CAMK1D: variants seen among roughly 807,000 people sequenced by gnomAD.
CAMK1D encodes calcium/calmodulin dependent protein kinase ID, also known as calcium/calmodulin-dependent protein kinase type 1D.
Under a neutral mutation model 47.7 loss-of-function variants are expected in CAMK1D, and 9 were observed. The ratio of observed to expected loss-of-function variants is 0.19; its 90% CI spans 0.11 to 0.33. The LOEUF (loss-of-function observed/expected upper bound fraction) is 0.33, where lower values mean the gene tolerates loss of function less well. CAMK1D is among the 10% of genes least tolerant of loss of function. The pLI, the probability that CAMK1D is intolerant of heterozygous loss-of-function variation, is 1.00. For synonymous variants in CAMK1D, 184 were observed against 184.9 expected (o/e 0.99, Z 0.04); for missense variants, 291 against 488.7 (o/e 0.60, Z 3.81).
intron 1 of CAMK1D, among the ~76,000 whole-genome samples, chr10:12,467,123 A>G (rs1198447881): frequency 6.6e-6 from 1 of 152,050 alleles, no homozygotes; most frequent in East Asian, 1.9e-4. Flanking sequence ...TGTAATAAAT[A>G]TTGTGACTCG....
At chr10:12,447,337 A>G (rs1832951338) in intron 1 of CAMK1D, among the ~76,000 whole-genome samples, 1 of 152,158 alleles carries the variant, frequency 6.6e-6, no homozygotes, top group African/African-American at 2.4e-5. Flanking sequence ...TAACTTTCTG[A>G]TATATCATGA....
intron 1 of CAMK1D, among the ~76,000 whole-genome samples, chr10:12,477,835 C>T (rs951078937): frequency 3.9e-5 from 6 of 152,116 alleles, no homozygotes; most frequent in African/African-American, 1.4e-4. Context: ...CCTTCGTGAC[C>T]TCTGCCATCG....
intron 6 of CAMK1D, among the ~76,000 whole-genome samples, chr10:12,804,937 CAAAAAAAAAA>C (rs145584740): frequency 5.9e-5 from 3 of 51,056 alleles, no homozygotes; most frequent in African/African-American, 8.3e-5. Context: ...GACCCTGTCT[CAAAAAAAAAA>C]AAAAAAAAAA....
At chr10:12,827,472 G>GTCTTTCTTTCTTTCTTTCTTTCTT (rs1244927320) in intron 10 of CAMK1D, among the ~76,000 whole-genome samples, 168 of 5,096 alleles carry the variant, frequency 0.033, 49 homozygotes, top group East Asian at 0.067. Context: ...TTGTCTGTCT[G>GTCTTTCTTTCTTTCTTTCTTTCTT]TCTTTCTTTC....
intron 1 of CAMK1D, among the ~76,000 whole-genome samples, chr10:12,490,754 A>G (rs560188433): frequency 8.5e-5 from 13 of 152,316 alleles, no homozygotes; most frequent in Non-Finnish European, 1.5e-4. Flanking sequence ...CTGAGGCAGG[A>G]GAATCGCTTG....
chr10:12,819,153 G>A (rs1482488438), intron 8 of CAMK1D, among the ~76,000 whole-genome samples: 1 of 152,212 alleles, frequency 6.6e-6, no homozygotes, highest in Non-Finnish European at 1.5e-5. Context: ...AAAGAAGGGA[G>A]AGGTCAGTTT....
At chr10:12,482,402 G>T (rs1376695240) in intron 1 of CAMK1D, among the ~76,000 whole-genome samples, 1 of 152,166 alleles carries the variant, frequency 6.6e-6, no homozygotes, top group Non-Finnish European at 1.5e-5. Flanking sequence ...ATAACACCCG[G>T]TAGCCAAAAT....
chr10:12,481,599 T>G (rs988462533), intron 1 of CAMK1D, among the ~76,000 whole-genome samples: 1 of 152,096 alleles, frequency 6.6e-6, no homozygotes, highest in Non-Finnish European at 1.5e-5. Flanking sequence ...AACCTCCGCC[T>G]CCCAGGTTCC....
intron 1 of CAMK1D, among the ~76,000 whole-genome samples, chr10:12,541,998 G>T (rs183783292): frequency 6.6e-6 from 1 of 151,506 alleles, no homozygotes; most frequent in Non-Finnish European, 1.5e-5. Context: ...CCTCAGCTTC[G>T]TGAGTAGCTG....
At chr10:12,641,657 ACTGATG>A (rs1490071754) in intron 2 of CAMK1D, among the ~76,000 whole-genome samples, 1 of 152,090 alleles carries the variant, frequency 6.6e-6, no homozygotes, top group African/African-American at 2.4e-5. Context: ...AAACATTTAA[ACTGATG>A]ACAAAGTTTT....
intron 2 of CAMK1D, among the ~76,000 whole-genome samples, chr10:12,638,145 T>C (rs890343401): frequency 5.3e-5 from 8 of 152,108 alleles, no homozygotes; most frequent in Admixed American, 1.3e-4. Context: ...ACTCACTCTT[T>C]GACTGGAAGT....
intron 3 of CAMK1D, among the ~76,000 whole-genome samples, chr10:12,749,562 G>GTT (rs71982177): frequency 0.098 from 10,649 of 108,490 alleles, 523 homozygotes; most frequent in Middle Eastern, 0.13. Context: ...TTGTTTGTTT[G>GTT]TTTGTTTGTT....
At chr10:12,753,722 C>G (rs560484692) in intron 3 of CAMK1D, among the ~76,000 whole-genome samples, 16 of 152,268 alleles carry the variant, frequency 1.1e-4, no homozygotes, top group Non-Finnish European at 1.9e-4. Context: ...ACTGTTTGAC[C>G]TCTCCACCCA....
intron 3 of CAMK1D, among the ~76,000 whole-genome samples, chr10:12,703,764 G>A (rs1233410739): frequency 1.3e-5 from 2 of 151,990 alleles, no homozygotes; most frequent in Non-Finnish European, 2.9e-5. Context: ...AGCTACTCAG[G>A]AGGCTGAGAC....
intron 1 of CAMK1D, among the ~76,000 whole-genome samples, chr10:12,408,198 G>T (rs886632011): frequency 1.3e-5 from 2 of 148,544 alleles, no homozygotes; most frequent in Non-Finnish European, 3.0e-5. Context: ...GTCTCGGTCT[G>T]TTGCCCAGCC....
chr10:12,647,949 T>G (rs1258322376), intron 2 of CAMK1D, among the ~76,000 whole-genome samples: 1 of 152,202 alleles, frequency 6.6e-6, no homozygotes, highest in African/African-American at 2.4e-5. Context: ...GGTGTGCAGA[T>G]GGAGCTTGGA....
At chr10:12,742,571 C>T (rs1016888713) in intron 3 of CAMK1D, among the ~76,000 whole-genome samples, 2 of 152,320 alleles carry the variant, frequency 1.3e-5, no homozygotes, top group Admixed American at 6.5e-5. Flanking sequence ...GGCACACACA[C>T]CCTCTTTTTA....
intron 6 of CAMK1D, among the ~76,000 whole-genome samples, chr10:12,808,483 G>A (rs1003258785): frequency 6.6e-6 from 1 of 152,322 alleles, no homozygotes; most frequent in East Asian, 1.9e-4. Context: ...GTGTATGTCG[G>A]CTGATTAAAA....
chr10:12,466,262 G>C (rs932672248), intron 1 of CAMK1D, among the ~76,000 whole-genome samples: 6 of 152,212 alleles, frequency 3.9e-5, no homozygotes, highest in African/African-American at 1.4e-4. Flanking sequence ...AAAAAAATTA[G>C]CTGGATGTGG....
Sources: gnomAD v4.1 joint callset for allele counts (sites outside exome capture counted in the v4.1 genomes callset) on GRCh38, gnomAD v4.1.1 for gene constraint, MANE v1.5 for transcripts, NCBI Gene and HGNC (gene_info 2026-07-23, HGNC 2026-07-21) for gene names.